Variants in THBS2 observed in about 807,000 individuals in gnomAD.
THBS2 encodes the protein thrombospondin-2.
THBS2 carries 47 observed loss-of-function variants against 135.2 expected under a neutral mutation model. That is an observed-to-expected ratio of 0.35 (90% confidence interval 0.28 to 0.44). The LOEUF (loss-of-function observed/expected upper bound fraction) is 0.44. Ranked by LOEUF, THBS2 falls within the 20% of genes least tolerant of loss-of-function variation. The pLI is 1.00. For synonymous variants in THBS2, 639 were observed against 633.8 expected, an observed-to-expected ratio of 1.01 and a Z score of -0.12; for missense variants, 1,288 against 1,603.1, an observed-to-expected ratio of 0.80 and a Z score of 3.36.
chr6:169,241,734 C>A lies in THBS2; in HGVS notation c.891+28G>T, dbSNP rs1780304963. The A allele has an allele frequency of 4.4e-6, 7 of 1,578,010 alleles. No homozygotes were observed. The South Asian group carries it at 8.0e-5, about 18-fold the overall frequency. Reference sequence around the variant, plus strand: ...CGGCGGAGCTGCCCATGCCCTATGACCCCCGCGGCCCCTGCGTGAGTACCC... The same window carrying A: ...CGGCGGAGCTGCCCATGCCCTATGAACCCCGCGGCCCCTGCGTGAGTACCC... On this transcript the variant is annotated intron_variant, in intron 5 of 21. Coordinates refer to ENST00000617924, the MANE Select transcript of THBS2 (RefSeq NM_003247.5). The surrounding 1 kb of genome is among the most constrained non-coding windows in gnomAD (Gnocchi z 5.5).
Position 169,245,562 on chromosome 6 carries a change from G to A in THBS2, c.694+635C>T, listed in dbSNP as rs570985901. Among the ~76,000 whole-genome samples, 119 of 152,264 alleles carry A rather than the reference G, an allele frequency of 7.8e-4. 3 individuals are homozygous for A. The South Asian group carries it at 0.024, about 30-fold the overall frequency. ...AATCCCAGCACTTTGGGAGGCCAAG[G>A]TGGGCAGATCACGAGGTCAGGAGAT... On this transcript the variant is annotated intron_variant, in intron 4 of 21. Transcript: ENST00000617924.
Position 169,241,273 on chromosome 6 carries a change from C to G in THBS2, c.891+489G>C, listed in dbSNP as rs1172770703. ...CGTCCTGAGCCCCGCAGGCATCGCT[C>G]TCTCTTCCTGGCCGCGCTGTGCCGC... On this transcript the variant is annotated intron_variant, in intron 5 of 21. Coordinates refer to ENST00000617924, the MANE Select transcript of THBS2 (RefSeq NM_003247.5). This position sits in a 1 kb window ranked among gnomAD's most constrained non-coding sequence, Gnocchi z 5.5. 2.0e-5 allele frequency among the ~76,000 whole-genome samples: 3 copies of G among 152,186 alleles called. No individual in the cohort carries two copies. Among genetic ancestry groups the G allele is most frequent in the East Asian group, 3.9e-4 (2 of 5,184 alleles).
Position 169,220,290 on chromosome 6 carries a change from A to G in THBS2, c.3419T>C (p.Ile1140Thr). The stretch of plus-strand genomic sequence containing the variant: ...CCCGCCAGCGTAGGTTTGGTCATAG[A>G]TAGGTCCTGAGTCTGCCATGACCTG... ...GKQVMADSGP[I>T]YDQTYAGGRL... The change falls in exon 21 of 22, where the codon ATC becomes ACC. Residue 1140 changes from isoleucine (I) to threonine (T), a missense_variant. Coordinates refer to ENST00000617924, the MANE Select transcript of THBS2 (RefSeq NM_003247.5). 1 of 1,613,972 alleles carries G rather than the reference A, an allele frequency of 6.2e-7. No homozygotes were observed. Among genetic ancestry groups the G allele is most frequent in the Non-Finnish European group, 8.5e-7 (1 of 1,179,942 alleles).
At chr6:169,240,997 C>T (rs60611592) in intron 5 of THBS2, among the ~76,000 whole-genome samples, 3,696 of 150,074 alleles carry the variant, frequency 0.025, 144 homozygotes, top group African/African-American at 0.088. Context: ...ACCCTCCCTG[C>T]CCCGGTCTCC....
chr6:169,250,361 T>G (rs1242544825), intron 2 of THBS2, among the ~76,000 whole-genome samples: 6 of 152,202 alleles, frequency 3.9e-5, no homozygotes, highest in Admixed American at 3.9e-4. Context: ...TGAAATATTA[T>G]GTGGTCATTA....
At chr6:169,224,221 A>T (rs1261441043) in intron 17 of THBS2, among the ~76,000 whole-genome samples, 1 of 152,256 alleles carries the variant, frequency 6.6e-6, no homozygotes, top group Non-Finnish European at 1.5e-5. Context: ...TACTCCAGCT[A>T]CCACGTGGCA....
rs1051820998 is a variant in THBS2, at chr6:169,248,300, G to A, written c.609+117C>T. On this transcript the variant is annotated intron_variant, in intron 3 of 21. Coordinates refer to ENST00000617924, the MANE Select transcript of THBS2 (RefSeq NM_003247.5). Reference sequence around the variant, plus strand: ...GAGCACATGCCGGGATGTGCAGTGTGCTTCTCTAAGGCCAGGCTCTGCCTG... The same window carrying A: ...GAGCACATGCCGGGATGTGCAGTGTACTTCTCTAAGGCCAGGCTCTGCCTG... 1.5e-5 allele frequency: 18 copies of A among 1,219,900 alleles called. No individual in the cohort carries two copies. In the African/African-American group the frequency reaches 2.1e-4, roughly 14 times the overall value. 75.6% of individuals were successfully genotyped at this position (1,219,900 alleles called of 1,614,324 possible).
At chr6:169,224,334 G>A (rs570123955) in intron 17 of THBS2, among the ~76,000 whole-genome samples, 1 of 152,316 alleles carries the variant, frequency 6.6e-6, no homozygotes, top group South Asian at 2.1e-4. Context: ...TGCATGGGGA[G>A]CAAGCCCCTG....
intron 17 of THBS2, 129 bp from the exon 18 acceptor site, chr6:169,223,604 G>A (rs1324445282): frequency 2.6e-5 from 18 of 696,854 alleles, no homozygotes; most frequent in Non-Finnish European, 4.4e-5. Context: ...CTAAGACTGA[G>A]TGCTTTGCAG....
chr6:169,219,251 T>C (rs1779324420), intron 21 of THBS2, among the ~76,000 whole-genome samples: 1 of 122,402 alleles, frequency 8.2e-6, no homozygotes, highest in African/African-American at 3.4e-5. Context: ...ATTAGATGGA[T>C]AGGTGGATGG....
At chr6:169,223,108 TCA>T in intron 18 of THBS2, 138 bp downstream of exon 18, 1 of 767,248 alleles carries the variant, frequency 1.3e-6, no homozygotes, top group Non-Finnish European at 2.1e-6. Flanking sequence ...GCAGACAGTT[TCA>T]CAGACCATGG....
At chr6:169,242,502 CA>C (rs1455558141) in intron 4 of THBS2, among the ~76,000 whole-genome samples, 1 of 151,918 alleles carries the variant, frequency 6.6e-6, no homozygotes, top group African/African-American at 2.4e-5. Context: ...CTTGCTCAAA[CA>C]GCCAGTCCCC....
chr6:169,220,145 C>G (rs1016656177), intron 21 of THBS2, 53 bp downstream of exon 21: 2 of 1,590,958 alleles, frequency 1.3e-6, no homozygotes, highest in Non-Finnish European at 1.7e-6. Flanking sequence ...GTACCCCTTT[C>G]CCTTTCTGGG....
chr6:169,221,468 C>G lies in THBS2; in HGVS notation c.3333G>C (p.Arg1111Ser). The stretch of plus-strand genomic sequence containing the variant: ...TCTTGGGCCTGTGAGTCAGGTGCCA[C>G]CTATAGGCCGTGTAGTCCTTCCAGC... ...NIGWKDYTAY[R>S]WHLTHRPKTG... The change falls in exon 20 of 22, where the codon AGG becomes AGC. Residue 1111 changes from arginine to serine, a missense_variant. By Grantham distance (110) the Arg-to-Ser change is moderately radical (BLOSUM62 -1). Around this residue, in one of 2 missense-constraint regions of THBS2, gnomAD observed 874 missense variants for 1,156.1 expected, o/e 0.76. Transcript: ENST00000617924. 2 of 1,614,026 alleles carry G rather than the reference C, an allele frequency of 1.2e-6. No homozygotes were observed. Among genetic ancestry groups the G allele is most frequent in the Non-Finnish European group, 1.7e-6 (2 of 1,180,030 alleles).
chr6:169,245,170 G>A (rs1318799404), intron 4 of THBS2, among the ~76,000 whole-genome samples: 1 of 152,228 alleles, frequency 6.6e-6, no homozygotes, highest in Non-Finnish European at 1.5e-5. Flanking sequence ...CTGTCAGACA[G>A]ACCCAGGCAG....
rs760934599 is a variant in THBS2, at chr6:169,223,475, C to A, written c.2774G>T (p.Gly925Val). The change falls in exon 18 of 22, where the codon GGT (glycine) becomes GTT (valine). Residue 925 changes from glycine (G) to valine (V), a missense_variant and splice_region_variant. Transcript: ENST00000617924. ...TTTACAAATATCACCCCGTCCATCACCTATGCACAAAGAACAAGCAAAAAC... is the reference window on the plus strand; with the variant it reads ...TTTACAAATATCACCCCGTCCATCAACTATGCACAAAGAACAAGCAAAAAC... Reference protein sequence around the residue: ...VFNPDQEDLDGDGRGDICKDD... With the variant: ...VFNPDQEDLDVDGRGDICKDD... 1 of 1,611,358 alleles carries A rather than the reference C, an allele frequency of 6.2e-7. No homozygotes were observed. Among genetic ancestry groups the A allele is most frequent in the Non-Finnish European group, 8.5e-7 (1 of 1,177,830 alleles).
intron 4 of THBS2, among the ~76,000 whole-genome samples, chr6:169,242,254 G>T (rs75411742): frequency 0.11 from 17,467 of 152,082 alleles, 1,101 homozygotes; most frequent in Non-Finnish European, 0.14. Context: ...GCTCAGGAGT[G>T]GGGAGACGCA....
rs549349395 is a variant in THBS2, at chr6:169,221,955, G to A, written c.3273+242C>T. ...TGCTCACTCCCTATCTCCAGAAGAGGGTAAAAGAGGTTTAATTTGTAAAAG... is the reference window on the plus strand; with the variant it reads ...TGCTCACTCCCTATCTCCAGAAGAGAGTAAAAGAGGTTTAATTTGTAAAAG... On this transcript the variant is annotated intron_variant, in intron 19 of 21. Coordinates refer to ENST00000617924, the MANE Select transcript of THBS2 (RefSeq NM_003247.5). 3.4e-4 allele frequency among the ~76,000 whole-genome samples: 51 copies of A among 152,188 alleles called. 2 individuals carry two copies. The South Asian group carries it at 1.0e-2, about 30-fold the overall frequency.
At chr6:169,220,416 T>C (rs1779381259) in intron 20 of THBS2, 79 bp from the exon 21 acceptor site, 6 of 1,525,734 alleles carry the variant, frequency 3.9e-6, no homozygotes, top group African/African-American at 1.4e-5. Context: ...TGATGGAAGG[T>C]TGGCTCCGGA....
Sources: gnomAD v4.1 joint callset for allele counts (sites outside exome capture counted in the v4.1 genomes callset) on GRCh38, gnomAD v4.1.1 for gene constraint, gnomAD v4.1.1 regional missense constraint, Gnocchi (gnomAD v3.1) non-coding constraint, MANE v1.5 for transcripts, NCBI Gene and HGNC (gene_info 2026-07-23, HGNC 2026-07-21) for gene names.